Variants in SUGCT observed in about 807,000 individuals in gnomAD.
The protein encoded by SUGCT is succinyl-CoA:glutarate-CoA transferase, also known as succinyl-CoA:glutarate CoA-transferase.
Under a neutral mutation model 55.0 loss-of-function variants are expected in SUGCT, and 41 were observed. The observed-to-expected ratio is 0.74, with a 90% CI of 0.58 to 0.97. The LOEUF (loss-of-function observed/expected upper bound fraction) is 0.97, where lower values mean the gene tolerates loss of function less well. SUGCT is among the 50% of genes least tolerant of loss of function. The pLI is 0.00. For missense variants in SUGCT, 568 were observed against 547.8 expected, an observed-to-expected ratio of 1.04 and a Z score of -0.37; for synonymous variants, 187 against 200.4, an observed-to-expected ratio of 0.93 and a Z score of 0.56.
rs577945383 is a variant in SUGCT at position 40,631,597 on chromosome 7, C to T, written c.1090-117837C>T. Among the ~76,000 whole-genome samples the T allele has an allele frequency of 2.6e-5, 4 of 152,334 alleles. No homozygotes were observed. The East Asian group carries it at 7.7e-4, about 29-fold the overall frequency. The stretch of plus-strand genomic sequence containing the variant: ...GGGGAAGAAGTGATCCATGTTTAGA[C>T]CTTACTTTTTGAAATCAATAAGGTA... On this transcript the variant is annotated intron_variant, in intron 12 of 13. Coordinates refer to ENST00000335693, the MANE Select transcript of SUGCT (RefSeq NM_001193313.2).
chr7:40,473,310 A>G (rs1790498169), intron 11 of SUGCT, among the ~76,000 whole-genome samples: 4 of 152,200 alleles, frequency 2.6e-5, no homozygotes, highest in Non-Finnish European at 5.9e-5. Flanking sequence ...AGAAATGTCA[A>G]TCATTTTCTG....
chr7:40,546,035 C>A (rs968906557), intron 12 of SUGCT, among the ~76,000 whole-genome samples: 3 of 152,144 alleles, frequency 2.0e-5, no homozygotes, highest in African/African-American at 7.2e-5. Flanking sequence ...GGAAGTTAAT[C>A]TTCAAGCCCA....
intron 12 of SUGCT, among the ~76,000 whole-genome samples, chr7:40,585,426 C>T (rs1797323791): frequency 6.6e-6 from 1 of 152,164 alleles, no homozygotes; most frequent in South Asian, 2.1e-4. Context: ...ACTTTAAAAG[C>T]TTACTTTTTC....
intron 7 of SUGCT, among the ~76,000 whole-genome samples, chr7:40,251,174 T>C (rs1454613509): frequency 6.6e-6 from 1 of 152,172 alleles, no homozygotes; most frequent in Non-Finnish European, 1.5e-5. Flanking sequence ...CCATCATGTA[T>C]TGATTTCATG....
In SUGCT at chr7:40,809,823, G is replaced by A. The variant is rs999485597; in HGVS notation, c.1154-50493G>A. Among the ~76,000 whole-genome samples, 17 of 152,060 alleles carry A rather than the reference G, an allele frequency of 1.1e-4. 1 individual carries two copies. Among genetic ancestry groups the A allele is most frequent in the African/African-American group, 4.1e-4 (17 of 41,404 alleles). On this transcript the variant is annotated intron_variant, in intron 13 of 13. Transcript: ENST00000335693. ...CCCCCAGTTTCTATTGTTGCCATAT[G>A]TTCCTGAGTACCCAATGTTTGGCTC... is the stretch of plus-strand genomic sequence containing the variant.
intron 11 of SUGCT, among the ~76,000 whole-genome samples, chr7:40,483,915 A>G (rs1156665479): frequency 6.6e-6 from 1 of 152,168 alleles, no homozygotes; most frequent in Non-Finnish European, 1.5e-5. Context: ...GGCAAAATCT[A>G]ATACAGCTGA....
the SUGCT span, among the ~76,000 whole-genome samples, chr7:40,903,713 T>C: frequency 1.3e-5 from 2 of 152,220 alleles, no homozygotes; most frequent in African/African-American, 4.8e-5. Flanking sequence ...CCCTGGGCTT[T>C]CAATGGGACC....
chr7:40,427,202 G>T (rs1439503809), intron 9 of SUGCT, among the ~76,000 whole-genome samples: 1 of 152,090 alleles, frequency 6.6e-6, no homozygotes, highest in Non-Finnish European at 1.5e-5. Context: ...TAAACTGTGG[G>T]GAGTTCCAAA....
the SUGCT span, among the ~76,000 whole-genome samples, chr7:40,877,859 G>A: frequency 3.1e-4 from 47 of 152,314 alleles, 2 homozygotes; most frequent in South Asian, 5.8e-3. Flanking sequence ...ATTCTGAAAC[G>A]ACATGGTGAC....
At chr7:40,316,977 A>C (rs576777439) in intron 9 of SUGCT, 122 bp downstream of exon 9, 1 of 268,688 alleles carries the variant, frequency 3.7e-6, no homozygotes, top group East Asian at 5.1e-5. Context: ...TTTTTTTGTA[A>C]TGTATCTGTG....
chr7:40,411,547 A>G (rs1457080239), intron 9 of SUGCT, among the ~76,000 whole-genome samples: 2 of 152,194 alleles, frequency 1.3e-5, no homozygotes, highest in Non-Finnish European at 2.9e-5. Flanking sequence ...GTCCTCATTG[A>G]CATGCGGAAG....
At chr7:40,399,569 C>G (rs1348025928) in intron 9 of SUGCT, among the ~76,000 whole-genome samples, 1 of 152,142 alleles carries the variant, frequency 6.6e-6, no homozygotes, top group African/African-American at 2.4e-5. Flanking sequence ...ATAAAAGATA[C>G]AACAGGAAAG....
chr7:40,136,344 C>T (rs1787694726), intron 1 of SUGCT, among the ~76,000 whole-genome samples: 1 of 152,158 alleles, frequency 6.6e-6, no homozygotes, highest in Non-Finnish European at 1.5e-5. Flanking sequence ...TAAATCATAG[C>T]CTAACGGGTA....
At chr7:40,740,320 A>G (rs1020918983) in intron 12 of SUGCT, among the ~76,000 whole-genome samples, 10 of 151,916 alleles carry the variant, frequency 6.6e-5, no homozygotes, top group Non-Finnish European at 1.3e-4. Flanking sequence ...TTTCTTGACA[A>G]TGTGGACAAT....
At chr7:40,918,695 G>A in the SUGCT span, among the ~76,000 whole-genome samples, 2 of 152,238 alleles carry the variant, frequency 1.3e-5, no homozygotes, top group African/African-American at 4.8e-5. Context: ...GAACAAGGAG[G>A]GAGGGGAGAG....
intron 13 of SUGCT, among the ~76,000 whole-genome samples, chr7:40,830,396 C>T (rs912596817): frequency 6.6e-6 from 1 of 152,176 alleles, no homozygotes; most frequent in Non-Finnish European, 1.5e-5. Flanking sequence ...TTTTTGCTCC[C>T]TGCACTAGTC....
chr7:41,015,192 G>C, the SUGCT span, among the ~76,000 whole-genome samples: 1 of 152,158 alleles, frequency 6.6e-6, no homozygotes, highest in Non-Finnish European at 1.5e-5. Context: ...CGAAGAAGAG[G>C]CTTCATTTTA....
intron 12 of SUGCT, among the ~76,000 whole-genome samples, chr7:40,617,510 T>TGTGC (rs962038788): frequency 6.6e-6 from 1 of 150,904 alleles, no homozygotes; most frequent in African/African-American, 2.5e-5. Context: ...TGTGTGTGTG[T>TGTGC]GTGCATGTTT....
intron 1 of SUGCT, among the ~76,000 whole-genome samples, chr7:40,141,368 C>T (rs1476984503): frequency 6.6e-6 from 1 of 151,844 alleles, no homozygotes; most frequent in Non-Finnish European, 1.5e-5. Flanking sequence ...GGCGCGGTGG[C>T]TCATGGTTGT....
Sources: gnomAD v4.1 joint callset for allele counts (sites outside exome capture counted in the v4.1 genomes callset) on GRCh38, gnomAD v4.1.1 for gene constraint, MANE v1.5 for transcripts, NCBI Gene and HGNC (gene_info 2026-07-23, HGNC 2026-07-21) for gene names.